The following RNF213 variants were observed in gnomAD, a reference collection of about 807,000 sequenced individuals.
The protein encoded by RNF213 is ring finger protein 213.
A neutral mutation model predicts 514.4 loss-of-function variants in RNF213; 341 were observed. That is an observed-to-expected ratio of 0.66 (90% CI 0.61 to 0.73). The LOEUF (loss-of-function observed/expected upper bound fraction) is 0.73. RNF213 is among the 30% of genes least tolerant of loss of function. RNF213 has a pLI of 0.00. For missense variants in RNF213, 5,767 were observed against 6,615.6 expected (o/e 0.87, Z 4.45); for synonymous variants, 2,655 against 2,658.2 (o/e 1.00, Z 0.04).
At chr17:80,386,217 C>T in intron 61 of RNF213, 33 bp from the exon 62 acceptor site, 3 of 1,598,466 alleles carry the variant, frequency 1.9e-6, no homozygotes, top group South Asian at 1.1e-5. Flanking sequence ...GTTGGAACTC[C>T]TCTCTGCTTA....
intron 28 of RNF213, 43 bp from the exon 29 acceptor site, chr17:80,344,635 A>G (rs757414482): frequency 6.2e-7 from 1 of 1,611,722 alleles, no homozygotes; most frequent in South Asian, 1.1e-5. Context: ...CATTTCTTAG[A>G]AAGTCTTCTT....
At position 80,328,303 on chromosome 17, in the gene RNF213, C is replaced by G. The variant is rs76987882; in HGVS notation, c.3368-25C>G. ...TGGCATTTGTTGCTGTATTGGGTTA[C>G]TTTATTGGTGTTCTTATTTTCCAGG... On this transcript the variant is annotated intron_variant, in intron 19 of 67. Transcript: ENST00000582970. 330 of 1,531,442 alleles carry G rather than the reference C, an allele frequency of 2.2e-4. No homozygotes were observed. The African/African-American group carries it at 4.2e-3, about 19-fold the overall frequency. 94.9% of individuals were successfully genotyped at this position (1,531,442 alleles called of 1,614,324 possible).
Position 80,346,512 on chromosome 17 carries a change from C to A in RNF213, c.8177C>A (p.Thr2726Lys). 6.2e-7 allele frequency: 1 copy of A among 1,613,708 alleles called. No individual in the cohort carries two copies. The highest frequency in any genetic ancestry group is 8.5e-7 in the Non-Finnish European group (1 of 1,180,046). ...AGCAGGCTGCTTCTGGATGAAATAACACGGGCACAGGATCTTTTTCTGGAC... is the reference window on the plus strand; with the variant it reads ...AGCAGGCTGCTTCTGGATGAAATAAAACGGGCACAGGATCTTTTTCTGGAC... ...DDSRLLLDEI[T>K]RAQDLFLDGV... is the part of the protein sequence containing the mutation. The change falls in exon 29 of 68, where the codon ACA (threonine) becomes AAA (lysine). Residue 2726 changes from threonine (T) to lysine (K), a missense_variant. By Grantham distance (78) the Thr-to-Lys change is moderately conservative (BLOSUM62 -1). Around this residue, in one of 13 missense-constraint regions of RNF213, gnomAD observed 1,377 missense variants for 1,635.2 expected, o/e 0.84. Transcript: ENST00000582970. The surrounding 1 kb of genome is among the most constrained non-coding windows in gnomAD (Gnocchi z 8.1).
At chr17:80,324,947 C>T (rs370416224) in intron 17 of RNF213, 83 bp from the exon 18 acceptor site, 21 of 1,287,680 alleles carry the variant, frequency 1.6e-5, no homozygotes, top group African/African-American at 5.9e-5. Context: ...GAAATGCTAT[C>T]GAGTAGGTAA....
intron 3 of RNF213, among the ~76,000 whole-genome samples, chr17:80,274,281 G>A (rs953437719): frequency 2.0e-5 from 3 of 152,012 alleles, no homozygotes; most frequent in South Asian, 2.1e-4. Flanking sequence ...CCTCTTAGGC[G>A]TTAGACACCA....
intron 32 of RNF213, chr17:80,352,151 C>A: frequency 4.1e-6 from 1 of 243,338 alleles, no homozygotes; most frequent in Non-Finnish European, 8.1e-6. Flanking sequence ...CCGCACCCAG[C>A]CCAGTCAGTG....
intron 18 of RNF213, among the ~76,000 whole-genome samples, chr17:80,325,937 GTATT>G (rs144887674): frequency 0.56 from 82,716 of 147,224 alleles, 24,003 homozygotes; most frequent in Non-Finnish European, 0.62. Context: ...TGTGTTATTT[GTATT>G]TATTTATTTA....
At chr17:80,330,895 G>A (rs2046396338) in intron 20 of RNF213, among the ~76,000 whole-genome samples, 1 of 152,156 alleles carries the variant, frequency 6.6e-6, no homozygotes, top group African/African-American at 2.4e-5. Context: ...TCGGCTCACT[G>A]CAACCTCTGC....
In RNF213 at chr17:80,306,440, C is replaced by T. The variant is rs141005604; in HGVS notation, c.2399C>T (p.Pro800Leu). ...CTTTCAGGGATTTACTACCGGCTTCCGGGACTTGAGCAAGTCTTGAATACG... is the reference window on the plus strand; with the variant it reads ...CTTTCAGGGATTTACTACCGGCTTCTGGGACTTGAGCAAGTCTTGAATACG... The part of the protein sequence containing the change: ...DCLSGIYYRL[P>L]GLEQVLNTQD... Residue 800 changes from proline (P) to leucine (L), a missense_variant, in exon 12 of 68, where the codon CCG (proline) becomes CTG (leucine). By Grantham distance (98) the Pro-to-Leu change is moderately conservative. This residue lies in a region of RNF213 where 592 missense variants were observed against 673.9 expected (regional missense o/e 0.88). Coordinates refer to ENST00000582970, the MANE Select transcript of RNF213 (RefSeq NM_001256071.3). 1.1e-4 allele frequency: 184 copies of T among 1,614,096 alleles called. No individual in the cohort carries two copies. Among genetic ancestry groups the T allele is most frequent in the South Asian group, 3.7e-4 (34 of 91,076 alleles).
chr17:80,376,735 G>A, intron 52 of RNF213, 147 bp from the exon 53 acceptor site: 1 of 1,100,086 alleles, frequency 9.1e-7, no homozygotes, highest in South Asian at 1.3e-5. Context: ...TTCACAGGAA[G>A]CTGTTCTGTT....
At position 80,272,614 on chromosome 17, in the gene RNF213, T is replaced by A. The variant is rs534902963; in HGVS notation, c.98-627T>A. On this transcript the variant is annotated intron_variant, in intron 2 of 67. Coordinates refer to ENST00000582970, the MANE Select transcript of RNF213 (RefSeq NM_001256071.3). ...CGACCCACAGACCTCCCCGCAGCCC[T>A]GCCTCCCAGCACTGGCATACTGGGG... 5.9e-5 allele frequency among the ~76,000 whole-genome samples: 9 copies of A among 152,278 alleles called. No individual in the cohort carries two copies. In the South Asian group the frequency reaches 1.7e-3, roughly 28 times the overall value.
In RNF213 at chr17:80,345,668, A is replaced by G; in HGVS notation, c.7333A>G (p.Thr2445Ala). ...DLRRGGTNADTIKLVKVHGGT... is the reference protein window; with the variant it reads ...DLRRGGTNADAIKLVKVHGGT... ...GCGGCGTGGTGGTACCAATGCTGAC[A>G]CCATAAAGCTGGTCAAGGTGCACGG... Residue 2445 changes from threonine (T) to alanine (A), a missense_variant, in exon 29 of 68, where the codon ACC becomes GCC. Physicochemically the swap from Thr to Ala is moderately conservative, Grantham distance 58 (BLOSUM62 0). This residue lies in a region of RNF213 where 1,377 missense variants were observed against 1,635.2 expected (regional missense o/e 0.84). Transcript: ENST00000582970. The surrounding 1 kb of genome is among the most constrained non-coding windows in gnomAD (Gnocchi z 6.0). The G allele has an allele frequency of 1.2e-6, 2 of 1,614,246 alleles. No individual in the cohort carries two copies. The highest frequency in any genetic ancestry group is 1.1e-5 in the South Asian group (1 of 91,080).
At chr17:80,389,580 T>C (rs923647393) in intron 65 of RNF213, among the ~76,000 whole-genome samples, 6 of 152,108 alleles carry the variant, frequency 3.9e-5, no homozygotes, top group African/African-American at 1.4e-4. Flanking sequence ...GCAGTCTAGA[T>C]AGAGCCCAAA....
At position 80,339,772 on chromosome 17, in the gene RNF213, T is replaced by C; in HGVS notation, c.5405T>C (p.Leu1802Pro). The change falls in exon 26 of 68, where the codon CTT becomes CCT. Residue 1802 changes from leucine (L) to proline (P), a missense_variant. Physicochemically the swap from Leu to Pro is moderately conservative, Grantham distance 98. Coordinates refer to ENST00000582970, the MANE Select transcript of RNF213 (RefSeq NM_001256071.3). ...FLPDCLDLET[L>P]GHCLAHLAGM... ...CCCGACTGCCTCGACCTAGAGACCC[T>C]TGGCCACTGTCTGGCTCACCTGGCA... The C allele has an allele frequency of 6.5e-7, 1 of 1,536,120 alleles. No individual in the cohort carries two copies. The highest frequency in any genetic ancestry group is 8.7e-7 in the Non-Finnish European group (1 of 1,146,030).
rs751558529 is a variant in RNF213, at chr17:80,290,722, A to G, written c.1265A>G (p.Tyr422Cys). 2 of 1,614,154 alleles carry G rather than the reference A, an allele frequency of 1.2e-6. No individual in the cohort carries two copies. Among genetic ancestry groups the G allele is most frequent in the East Asian group, 2.2e-5 (1 of 44,890 alleles). The change falls in exon 7 of 68, where the codon TAC (tyrosine) becomes TGC (cysteine). Residue 422 changes from tyrosine to cysteine, a missense_variant. Physicochemically the swap from Tyr to Cys is radical, Grantham distance 194. Around this residue, in one of 13 missense-constraint regions of RNF213, gnomAD observed 592 missense variants for 673.9 expected, o/e 0.88. Coordinates refer to ENST00000582970, the MANE Select transcript of RNF213 (RefSeq NM_001256071.3). ...GACAGCAATATCTGTGAGCTGCACTACACCAGGTGAGCGTGTCTGTAGGCT... is the reference window on the plus strand; with the variant it reads ...GACAGCAATATCTGTGAGCTGCACTGCACCAGGTGAGCGTGTCTGTAGGCT... ...KWDSNICELH[Y>C]TRDLGHDRVL... is the part of the protein sequence containing the mutation.
chr17:80,282,243 G>A (rs568192436), intron 3 of RNF213, among the ~76,000 whole-genome samples: 1 of 152,022 alleles, frequency 6.6e-6, no homozygotes, highest in Non-Finnish European at 1.5e-5. Flanking sequence ...GTTGCTACAC[G>A]GTGCGGTGTT....
intron 59 of RNF213, 82 bp from the exon 60 acceptor site, chr17:80,384,957 G>A (rs902318684): frequency 1.5e-5 from 21 of 1,417,936 alleles, no homozygotes; most frequent in Middle Eastern, 1.8e-4. Context: ...TACAAGTCTC[G>A]CAGCCAGTCT....
chr17:80,352,005 C>T, intron 32 of RNF213: 1 of 436,000 alleles, frequency 2.3e-6, no homozygotes, highest in Non-Finnish European at 4.3e-6. Context: ...CAGGCGTGCG[C>T]CACCATGCCC....
At chr17:80,313,863 GTGGTGA>G (rs2045694869) in intron 15 of RNF213, among the ~76,000 whole-genome samples, 1 of 127,068 alleles carries the variant, frequency 7.9e-6, no homozygotes, top group Non-Finnish European at 1.7e-5. Context: ...GGTGATGGTG[GTGGTGA>G]AGGTGATGGT....
Sources: allele counts gnomAD v4.1 joint callset (sites outside exome capture counted in the v4.1 genomes callset), GRCh38; gene constraint gnomAD v4.1.1; regional missense constraint gnomAD v4.1.1; non-coding constraint Gnocchi (gnomAD v3.1); transcripts MANE v1.5; gene names NCBI Gene and HGNC (gene_info 2026-07-23, HGNC 2026-07-21).